CDHR1: variants seen among roughly 807,000 people sequenced by gnomAD.
The protein encoded by CDHR1 is cadherin related family member 1, also known as cadherin-related family member 1.
In CDHR1, 61 loss-of-function variants were observed where a neutral mutation model predicts 72.1. The observed-to-expected ratio is 0.85, with a 90% CI of 0.69 to 1.05. The LOEUF is 1.05. Ranked by LOEUF, CDHR1 falls within the 50% of genes least tolerant of loss-of-function variation. CDHR1 has a pLI of 0.00. For missense variants in CDHR1, 1,186 were observed against 1,115.7 expected (o/e 1.06, Z -0.90); for synonymous variants, 470 against 448.1 (o/e 1.05, Z -0.62).
rs1162118430 is a variant in CDHR1, at chr10:84,218,465, C to T, written c.*3844C>T. 1 of 985,408 alleles carries T rather than the reference C, an allele frequency of 1.0e-6. No individual in the cohort carries two copies. Among genetic ancestry groups the T allele is most frequent in the Non-Finnish European group, 1.2e-6 (1 of 829,930 alleles). 61.0% of individuals were successfully genotyped at this position (985,408 alleles called of 1,614,324 possible). ...ACAAGTTTGGAGTATATCTTCTGTG[C>T]CAGGCTCTCTTCTAGGTGTTAGGTG... is the stretch of plus-strand genomic sequence containing the variant. On this transcript the variant is annotated 3_prime_UTR_variant, in exon 17 of 17. Coordinates refer to ENST00000623527, the MANE Select transcript of CDHR1 (RefSeq NM_033100.4).
At chr10:84,201,095 C>T (rs748178027) in intron 6 of CDHR1, among the ~76,000 whole-genome samples, 6 of 152,196 alleles carry the variant, frequency 3.9e-5, no homozygotes, top group Non-Finnish European at 5.9e-5. Flanking sequence ...CTGGACTGCA[C>T]GGGTGCTGGA....
intron 9 of CDHR1, among the ~76,000 whole-genome samples, chr10:84,204,884 T>G (rs1842196988): frequency 6.6e-6 from 1 of 152,222 alleles, no homozygotes; most frequent in Non-Finnish European, 1.5e-5. Context: ...ATTTGCTCCT[T>G]GATGGGAATG....
At chr10:84,194,866 C>T (rs1168342533) in intron 1 of CDHR1, 51 bp downstream of exon 1, 4 of 1,502,996 alleles carry the variant, frequency 2.7e-6, no homozygotes, top group Non-Finnish European at 3.6e-6. Flanking sequence ...GGGAGATGGG[C>T]GCTGGCGTCA....
Position 84,210,038 on chromosome 10 carries a change from G to C in CDHR1, c.1321-963G>C, listed in dbSNP as rs560744910. On this transcript the variant is annotated intron_variant, in intron 12 of 16. Coordinates refer to ENST00000623527, the MANE Select transcript of CDHR1 (RefSeq NM_033100.4). ...AGTTTGAGATCAGCCTGGGCAACAC[G>C]GCAAAAGCCCATCTTTACAAAAACT... Among the ~76,000 whole-genome samples the C allele has an allele frequency of 2.0e-5, 3 of 152,194 alleles. No individual in the cohort carries two copies. In the East Asian group the frequency reaches 5.8e-4, roughly 30 times the overall value.
intron 1 of CDHR1, 144 bp from the exon 2 acceptor site, chr10:84,195,350 C>A (rs1449261626): frequency 1.4e-5 from 11 of 781,396 alleles, no homozygotes; most frequent in African/African-American, 3.4e-5. Flanking sequence ...CAGTGGGGTC[C>A]CTCGGTGCAC....
rs1363744905 is a variant in CDHR1 at position 84,204,592 on chromosome 10, C to T, written c.849C>T (p.Tyr283=). 3.7e-6 allele frequency: 6 copies of T among 1,612,502 alleles called. No individual in the cohort carries two copies. Among genetic ancestry groups the T allele is most frequent in the African/African-American group, 1.3e-5 (1 of 74,874 alleles). Residue 283 remains tyrosine, a synonymous_variant, in exon 9 of 17, where the codon TAC becomes TAT. Transcript: ENST00000623527. ...GGGGCAAACCCAATCGAATTCTCTACAGCCTTGTAAATGGTGAGTCTGAGC... is the reference window on the plus strand; with the variant it reads ...GGGGCAAACCCAATCGAATTCTCTATAGCCTTGTAAATGGTGAGTCTGAGC... The part of the protein sequence containing the change: ...GDRGKPNRIL[Y]SLVNGNDGAF...
Position 84,213,360 on chromosome 10 carries a change from G to GC in CDHR1, c.2040+14dup. 1.9e-6 allele frequency: 3 copies of GC among 1,614,104 alleles called. No homozygotes were observed. The highest frequency in any genetic ancestry group is 2.5e-6 in the Non-Finnish European group (3 of 1,180,030). ...TCACAGATGCTGAGGTGAGTACAAA[G>GC]CCATGGTCAGGAAAAAGGGGTCAGC... On this transcript the variant is annotated intron_variant, in intron 16 of 16. Transcript: ENST00000623527.
At chr10:84,211,783 T>A (rs1242060771) in intron 14 of CDHR1, 68 bp downstream of exon 14, 2 of 1,388,588 alleles carry the variant, frequency 1.4e-6, no homozygotes, top group African/African-American at 2.9e-5. Context: ...GTGGAGGAGG[T>A]CTGTGGCAGA....
chr10:84,206,842 C>T (rs1242045912), intron 10 of CDHR1, among the ~76,000 whole-genome samples: 1 of 152,192 alleles, frequency 6.6e-6, no homozygotes, highest in Admixed American at 6.5e-5. Context: ...GAGGTAGAGC[C>T]ATCGGCCAAA....
intron 7 of CDHR1, 59 bp downstream of exon 7, chr10:84,201,979 GTTA>G: frequency 1.5e-6 from 2 of 1,347,832 alleles, no homozygotes; most frequent in Non-Finnish European, 2.1e-6. Flanking sequence ...TTGGAACCAA[GTTA>G]GGTTCTACAG....
Position 84,195,587 on chromosome 10 carries a change from T to C in CDHR1, c.149T>C (p.Val50Ala), listed in dbSNP as rs779048474. ...TTCAGCCTCCCAGAGGACACCCCTG[T>C]AGGTGAGTAGCCCTGGCACCTGCTC... is the stretch of plus-strand genomic sequence containing the variant. ...ALFSLPEDTP[V>A]GSHVYTLNGT... The change falls in exon 2 of 17, where the codon GTA (valine) becomes GCA (alanine). Residue 50 changes from valine (V) to alanine (A), a missense_variant and splice_region_variant. Transcript: ENST00000623527. 4 of 1,612,916 alleles carry C rather than the reference T, an allele frequency of 2.5e-6. No homozygotes were observed. The highest frequency in any genetic ancestry group is 2.2e-5 in the South Asian group (2 of 90,998).
rs1413349364 is a variant in CDHR1 at position 84,216,288 on chromosome 10, C to G, written c.*1667C>G. 1 of 985,366 alleles carries G rather than the reference C, an allele frequency of 1.0e-6. No homozygotes were observed. The highest frequency in any genetic ancestry group is 1.7e-5 in the African/African-American group (1 of 57,234). The allele number at this position is 985,366 out of a possible 1,614,324, so 61.0% of individuals were successfully genotyped here. A position where few individuals can be genotyped will look rare whatever the true frequency, so the allele number is the denominator to read the frequency against. On this transcript the variant is annotated 3_prime_UTR_variant, in exon 17 of 17. Coordinates refer to ENST00000623527, the MANE Select transcript of CDHR1 (RefSeq NM_033100.4). Reference sequence around the variant, plus strand: ...TGTTTGGAGGTGTTACTGAGATGTGCCAGTGTGCAGAATCCTTGCTGGGGT... The same window carrying G: ...TGTTTGGAGGTGTTACTGAGATGTGGCAGTGTGCAGAATCCTTGCTGGGGT...
intron 5 of CDHR1, among the ~76,000 whole-genome samples, chr10:84,200,085 G>A (rs753308942): frequency 4.0e-5 from 6 of 151,754 alleles, no homozygotes; most frequent in African/African-American, 9.7e-5. Flanking sequence ...CAGGAGAATC[G>A]CTTGAACCCA....
At chr10:84,204,475 G>T in intron 8 of CDHR1, 52 bp from the exon 9 acceptor site, 1 of 1,253,090 alleles carries the variant, frequency 8.0e-7, no homozygotes, top group South Asian at 1.2e-5. Flanking sequence ...GTTTGGGGAG[G>T]GGAGGGTCCC....
chr10:84,197,392 G>A (rs1842047503), intron 3 of CDHR1, among the ~76,000 whole-genome samples: 1 of 152,142 alleles, frequency 6.6e-6, no homozygotes. Flanking sequence ...CCTCTGCAGA[G>A]CCCTGGAATG....
Position 84,214,336 on chromosome 10 carries a change from C to G in CDHR1, c.2295C>G (p.Thr765=), listed in dbSNP as rs774059713. The G allele has an allele frequency of 1.9e-6, 3 of 1,614,084 alleles. No homozygotes were observed. The highest frequency in any genetic ancestry group is 1.3e-5 in the African/African-American group (1 of 74,946). ...AGTCCAAGAGCACCAAAGCCGCTAC[C>G]AAGTTCATGCTCAAAGAGAAACCTC... is the stretch of plus-strand genomic sequence containing the variant. The part of the protein sequence containing the change: ...WLKSKSTKAA[T]KFMLKEKPPN... The change falls in exon 17 of 17, where the codon ACC becomes ACG. Residue 765 remains threonine (T), a synonymous_variant. Transcript: ENST00000623527.
Position 84,196,574 on chromosome 10 carries a change from AC to A in CDHR1, c.225del (p.Ser76AlafsTer39). On this transcript the variant is annotated frameshift_variant, in exon 3 of 17. Coordinates refer to ENST00000623527, the MANE Select transcript of CDHR1 (RefSeq NM_033100.4). LOFTEE classifies it high-confidence loss of function. ...GDPISYHISF[D>X]PSTRSVFSVD... ...CCCATCTCCTACCACATCAGCTTTG[AC>A]CCCAGCACTAGAAGCGTCTTTTCTG... is the stretch of plus-strand genomic sequence containing the variant. 1.9e-6 allele frequency: 3 copies of A among 1,614,102 alleles called. No individual in the cohort carries two copies. Among genetic ancestry groups the A allele is most frequent in the Non-Finnish European group, 2.5e-6 (3 of 1,180,012 alleles).
intron 2 of CDHR1, among the ~76,000 whole-genome samples, chr10:84,196,217 C>T (rs915506429): frequency 5.9e-5 from 9 of 152,150 alleles, no homozygotes; most frequent in African/African-American, 2.2e-4. Flanking sequence ...AACATAGGCA[C>T]TACAGTTAGG....
chr10:84,202,270 CTG>C (rs1166216478), intron 7 of CDHR1, among the ~76,000 whole-genome samples: 1 of 152,200 alleles, frequency 6.6e-6, no homozygotes. Flanking sequence ...CTCCTCCTCT[CTG>C]TGTGCCCAAT....
Sources: allele counts gnomAD v4.1 joint callset (sites outside exome capture counted in the v4.1 genomes callset), GRCh38; gene constraint gnomAD v4.1.1; transcripts MANE v1.5; gene names NCBI Gene and HGNC (gene_info 2026-07-23, HGNC 2026-07-21).